STK33: variants seen among roughly 807,000 people sequenced by gnomAD.
The protein encoded by STK33 is serine/threonine-protein kinase 33.
A neutral mutation model predicts 58.0 loss-of-function variants in STK33; 52 were observed. The ratio of observed to expected loss-of-function variants is 0.90; its 90% CI spans 0.72 to 1.13. STK33 has a LOEUF of 1.13. STK33 is among the 50% of genes most tolerant of loss of function. STK33 has a pLI of 0.00. For synonymous variants in STK33, 215 were observed against 200.1 expected, an observed-to-expected ratio of 1.07 and a Z score of -0.63; for missense variants, 630 against 604.2, an observed-to-expected ratio of 1.04 and a Z score of -0.45.
At chr11:8,337,862 C>T in the STK33 span, among the ~76,000 whole-genome samples, 1 of 152,186 alleles carries the variant, frequency 6.6e-6, no homozygotes, top group Non-Finnish European at 1.5e-5. Flanking sequence ...GGCTCATGCC[C>T]TCACCTTCCA....
the STK33 span, among the ~76,000 whole-genome samples, chr11:8,338,647 G>T: frequency 6.6e-6 from 1 of 152,128 alleles, no homozygotes; most frequent in African/African-American, 2.4e-5. Flanking sequence ...AACCACCCTG[G>T]TTGGCCAAAG....
At chr11:8,561,901 G>A (rs984597397) in intron 1 of STK33, among the ~76,000 whole-genome samples, 17 of 152,098 alleles carry the variant, frequency 1.1e-4, no homozygotes, top group African/African-American at 3.6e-4. Context: ...TTTTTCTTTT[G>A]TCTCTTATTT....
intron 1 of STK33, among the ~76,000 whole-genome samples, chr11:8,523,249 G>A (rs1051948230): frequency 3.3e-5 from 5 of 152,020 alleles, no homozygotes; most frequent in South Asian, 2.1e-4. Context: ...CTGCCTGGCC[G>A]CCCATCATCT....
chr11:8,435,661 C>A, intron 13 of STK33, 82 bp from the exon 14 acceptor site: 2 of 710,474 alleles, frequency 2.8e-6, no homozygotes, highest in Non-Finnish European at 4.2e-6. Flanking sequence ...AGGATTAGGT[C>A]AGTATAACAG....
chr11:8,563,757 A>T (rs1957266871), intron 1 of STK33, among the ~76,000 whole-genome samples: 1 of 152,204 alleles, frequency 6.6e-6, no homozygotes, highest in East Asian at 1.9e-4. Flanking sequence ...CACTAACTTA[A>T]TAATTACAAG....
chr11:8,420,062 C>G (rs921327466), intron 14 of STK33, among the ~76,000 whole-genome samples: 22 of 152,140 alleles, frequency 1.4e-4, no homozygotes, highest in African/African-American at 4.8e-4. Flanking sequence ...CCTGCCTCAG[C>G]CTCCCAAAGT....
At chr11:8,492,584 G>A (rs1436427964) in intron 1 of STK33, among the ~76,000 whole-genome samples, 1 of 152,134 alleles carries the variant, frequency 6.6e-6, no homozygotes, top group Admixed American at 6.5e-5. Flanking sequence ...ACTCAGCTGT[G>A]CACCAAGCCA....
intron 1 of STK33, among the ~76,000 whole-genome samples, chr11:8,498,577 G>GA: frequency 6.6e-6 from 1 of 151,636 alleles, no homozygotes; most frequent in South Asian, 2.1e-4. Flanking sequence ...CCCAGAACTG[G>GA]AAAAAAAATA....
chr11:8,353,148 C>T, the STK33 span, among the ~76,000 whole-genome samples: 1 of 152,208 alleles, frequency 6.6e-6, no homozygotes. Flanking sequence ...GCCCACATAT[C>T]CTCCCAGGCC....
intron 1 of STK33, among the ~76,000 whole-genome samples, chr11:8,527,377 G>A (rs1047850032): frequency 1.3e-5 from 2 of 152,174 alleles, no homozygotes; most frequent in African/African-American, 4.8e-5. Flanking sequence ...TCTGAGTGAT[G>A]GGTTACATGA....
intron 6 of STK33, chr11:8,467,019 A>G (rs1332859376): frequency 6.6e-6 from 1 of 152,236 alleles, no homozygotes; most frequent in African/African-American, 2.4e-5. Flanking sequence ...CCAAGTCTCT[A>G]GACTGCACAC....
intron 1 of STK33, among the ~76,000 whole-genome samples, chr11:8,489,275 A>AG (rs1410343523): frequency 6.6e-6 from 1 of 150,776 alleles, no homozygotes; most frequent in African/African-American, 2.4e-5. Context: ...AAAAAAAGAA[A>AG]AAAAAAAAGA....
At chr11:8,562,684 T>C (rs971066541) in intron 1 of STK33, among the ~76,000 whole-genome samples, 18 of 152,160 alleles carry the variant, frequency 1.2e-4, no homozygotes, top group African/African-American at 4.3e-4. Flanking sequence ...ATATGGTTAG[T>C]ATGGCTTTAC....
At chr11:8,354,516 A>ACACACACACACACACC in the STK33 span, among the ~76,000 whole-genome samples, 12 of 127,656 alleles carry the variant, frequency 9.4e-5, no homozygotes, top group East Asian at 2.3e-4. Flanking sequence ...ACACACACAC[A>ACACACACACACACACC]CCCCTCAGAC....
At chr11:8,471,881 A>G (rs1211295288) in intron 6 of STK33, among the ~76,000 whole-genome samples, 3 of 152,094 alleles carry the variant, frequency 2.0e-5, no homozygotes, top group Non-Finnish European at 4.4e-5. Flanking sequence ...CACAATGAAC[A>G]TATTTTGCTT....
At chr11:8,509,756 G>C (rs1426498785) in intron 1 of STK33, among the ~76,000 whole-genome samples, 1 of 152,100 alleles carries the variant, frequency 6.6e-6, no homozygotes, top group African/African-American at 2.4e-5. Flanking sequence ...GAGAACATAT[G>C]ATAGTTGGTT....
chr11:8,367,256 G>A, the STK33 span, among the ~76,000 whole-genome samples: 93 of 152,360 alleles, frequency 6.1e-4, no homozygotes, highest in African/African-American at 1.8e-3. Context: ...TGAGTCCTAC[G>A]TCTGCAAATG....
chr11:8,385,378 CCT>C, the STK33 span, among the ~76,000 whole-genome samples: 5 of 152,154 alleles, frequency 3.3e-5, no homozygotes, highest in African/African-American at 7.2e-5. Flanking sequence ...GGACCTGACC[CCT>C]GTCTCTCCCC....
intron 1 of STK33, among the ~76,000 whole-genome samples, chr11:8,523,869 G>T (rs749791744): frequency 3.3e-5 from 5 of 152,174 alleles, no homozygotes; most frequent in African/African-American, 4.8e-5. Flanking sequence ...CGGTTTTGTC[G>T]AATAGAAAAG....
Sources: allele counts gnomAD v4.1 joint callset (sites outside exome capture counted in the v4.1 genomes callset), GRCh38; gene constraint gnomAD v4.1.1; transcripts MANE v1.5; gene names NCBI Gene and HGNC (gene_info 2026-07-23, HGNC 2026-07-21).